ASTN1: variants seen among roughly 807,000 people sequenced by gnomAD.
ASTN1 encodes astrotactin 1.
Under a neutral mutation model 140.7 loss-of-function variants are expected in ASTN1, and 41 were observed. That is an observed-to-expected ratio of 0.29 (90% CI 0.23 to 0.38). The LOEUF (loss-of-function observed/expected upper bound fraction) is 0.38, where lower values mean the gene tolerates loss of function less well. Ranked by LOEUF, ASTN1 falls within the 10% of genes least tolerant of loss-of-function variation. ASTN1 has a pLI of 1.00. For missense variants in ASTN1, 1,479 were observed against 1,678.8 expected, an observed-to-expected ratio of 0.88 and a Z score of 2.08; for synonymous variants, 640 against 652.2, an observed-to-expected ratio of 0.98 and a Z score of 0.29.
intron 20 of ASTN1, among the ~76,000 whole-genome samples, chr1:176,882,365 C>T (rs189185376): frequency 3.5e-4 from 53 of 152,266 alleles, no homozygotes; most frequent in Non-Finnish European, 5.3e-4. Context: ...TTTTACTCAC[C>T]GTCTGCCTCT....
intron 17 of ASTN1, among the ~76,000 whole-genome samples, chr1:176,892,181 T>C (rs1228024239): frequency 1.3e-5 from 2 of 152,230 alleles, no homozygotes; most frequent in African/African-American, 2.4e-5. Context: ...ATAATGATGT[T>C]CTGAGGACAT....
chr1:176,898,151 T>C (rs565847539), intron 16 of ASTN1, among the ~76,000 whole-genome samples: 102 of 152,342 alleles, frequency 6.7e-4, no homozygotes, highest in Non-Finnish European at 1.5e-5. Flanking sequence ...AGCCCTTCAG[T>C]TCTAGATACC....
chr1:176,977,393 C>G (rs1469278802), intron 8 of ASTN1, among the ~76,000 whole-genome samples: 1 of 152,208 alleles, frequency 6.6e-6, no homozygotes, highest in Non-Finnish European at 1.5e-5. Flanking sequence ...GATTAATACA[C>G]ATTTTCTGCT....
intron 8 of ASTN1, among the ~76,000 whole-genome samples, chr1:177,003,820 A>C (rs1674858299): frequency 6.6e-6 from 1 of 151,390 alleles, no homozygotes; most frequent in Non-Finnish European, 1.5e-5. Flanking sequence ...CTAAAAAAAA[A>C]AAAGAAAGAA....
intron 1 of ASTN1, among the ~76,000 whole-genome samples, chr1:177,108,304 G>T (rs1326496337): frequency 7.3e-6 from 1 of 136,368 alleles, no homozygotes; most frequent in African/African-American, 2.8e-5. Flanking sequence ...AGCTGAGATT[G>T]CACCACTACA....
intron 14 of ASTN1, among the ~76,000 whole-genome samples, chr1:176,938,696 A>C (rs1361124065): frequency 6.6e-6 from 1 of 152,250 alleles, no homozygotes; most frequent in African/African-American, 2.4e-5. Context: ...CCTACCAGTC[A>C]TATGACTTTA....
At chr1:176,985,771 T>C (rs1436723277) in intron 8 of ASTN1, among the ~76,000 whole-genome samples, 1 of 151,804 alleles carries the variant, frequency 6.6e-6, no homozygotes, top group Non-Finnish European at 1.5e-5. Context: ...CTCCATTAAG[T>C]AGGATTTTTA....
chr1:176,998,304 C>T (rs1674549898), intron 8 of ASTN1, among the ~76,000 whole-genome samples: 1 of 152,018 alleles, frequency 6.6e-6, no homozygotes, highest in Non-Finnish European at 1.5e-5. Context: ...TAAATATTAC[C>T]TAGTATTATG....
At chr1:176,924,251 C>A (rs1355965173) in intron 16 of ASTN1, among the ~76,000 whole-genome samples, 1 of 152,120 alleles carries the variant, frequency 6.6e-6, no homozygotes, top group Non-Finnish European at 1.5e-5. Flanking sequence ...TCCTATAGGT[C>A]CTACATTATT....
At chr1:177,023,961 A>AT (rs1455878911) in intron 6 of ASTN1, among the ~76,000 whole-genome samples, 1 of 152,188 alleles carries the variant, frequency 6.6e-6, no homozygotes, top group Non-Finnish European at 1.5e-5. Context: ...TGCTATGAGA[A>AT]TTGCAGGCCC....
intron 8 of ASTN1, among the ~76,000 whole-genome samples, chr1:176,982,432 G>A (rs1343553014): frequency 1.3e-5 from 2 of 152,158 alleles, no homozygotes; most frequent in Non-Finnish European, 2.9e-5. Flanking sequence ...CACCTGGAGG[G>A]CTTATTAAAA....
chr1:176,937,604 C>T (rs899345272), intron 14 of ASTN1, among the ~76,000 whole-genome samples: 1 of 152,024 alleles, frequency 6.6e-6, no homozygotes, highest in Non-Finnish European at 1.5e-5. Flanking sequence ...AAAAAAATTG[C>T]CTTGCTAAGT....
chr1:177,123,452 T>A (rs1681495209), intron 1 of ASTN1, among the ~76,000 whole-genome samples: 1 of 152,210 alleles, frequency 6.6e-6, no homozygotes, highest in South Asian at 2.1e-4. Context: ...CCTTAGAGCA[T>A]CTGTTCCTCA....
intron 1 of ASTN1, among the ~76,000 whole-genome samples, chr1:177,130,944 C>T (rs1384152572): frequency 1.3e-5 from 2 of 152,132 alleles, no homozygotes; most frequent in African/African-American, 2.4e-5. Flanking sequence ...TTTTTTCTAT[C>T]CTTAGACCAA....
At chr1:176,992,292 C>CTAAA (rs1471674097) in intron 8 of ASTN1, among the ~76,000 whole-genome samples, 3 of 152,046 alleles carry the variant, frequency 2.0e-5, no homozygotes, top group Non-Finnish European at 4.4e-5. Flanking sequence ...AACACAGGAC[C>CTAAA]TAAATAAATA....
intron 11 of ASTN1, among the ~76,000 whole-genome samples, chr1:176,949,801 T>C (rs917863208): frequency 3.3e-5 from 5 of 152,144 alleles, no homozygotes; most frequent in African/African-American, 1.2e-4. Flanking sequence ...TTGTCAACAA[T>C]GGTACCAAAT....
At chr1:177,081,367 T>A (rs1301027767) in intron 1 of ASTN1, among the ~76,000 whole-genome samples, 1 of 152,170 alleles carries the variant, frequency 6.6e-6, no homozygotes, top group Non-Finnish European at 1.5e-5. Flanking sequence ...AAGAAATTTA[T>A]ATATCAACAT....
At chr1:177,004,358 A>G (rs992242768) in intron 8 of ASTN1, among the ~76,000 whole-genome samples, 2 of 152,184 alleles carry the variant, frequency 1.3e-5, no homozygotes, top group African/African-American at 2.4e-5. Flanking sequence ...ATGCTCATCA[A>G]TTGGAAGAAC....
chr1:177,044,176 TACACACACAC>T (rs3979531), intron 2 of ASTN1, among the ~76,000 whole-genome samples: 1 of 143,314 alleles, frequency 7.0e-6, no homozygotes, highest in Non-Finnish European at 1.5e-5. Flanking sequence ...AAAAAAAAAA[TACACACACAC>T]ACACACACAC....
Sources: allele counts gnomAD v4.1 joint callset (sites outside exome capture counted in the v4.1 genomes callset), GRCh38; gene constraint gnomAD v4.1.1; transcripts MANE v1.5; gene names NCBI Gene and HGNC (gene_info 2026-07-23, HGNC 2026-07-21).